The following MICU1 variants were observed in gnomAD, a reference collection of about 807,000 sequenced individuals.
The protein encoded by MICU1 is mitochondrial calcium uptake 1.
Under a neutral mutation model 56.8 loss-of-function variants are expected in MICU1, and 45 were observed. The observed-to-expected ratio is 0.79, with a 90% CI of 0.62 to 1.02. The LOEUF (loss-of-function observed/expected upper bound fraction) is 1.02. MICU1 is among the 50% of genes least tolerant of loss of function. The pLI, the probability that MICU1 is intolerant of heterozygous loss-of-function variation, is 0.00. For missense variants in MICU1, 504 were observed against 587.1 expected, an observed-to-expected ratio of 0.86 and a Z score of 1.46; for synonymous variants, 186 against 195.1, an observed-to-expected ratio of 0.95 and a Z score of 0.39.
chr10:72,403,629 TTGTGTGTGTGTGTGTGTGTGTG>T (rs60373032), intron 10 of MICU1, among the ~76,000 whole-genome samples: 3 of 139,932 alleles, frequency 2.1e-5, no homozygotes, highest in Admixed American at 7.2e-5. Flanking sequence ...CATACCAAAA[TTGTGTGTGTGTGTGTGTGTGTG>T]TGTGTGTGTG....
At chr10:72,532,859 AG>A (rs1691815988) in intron 5 of MICU1, 1 of 1,122,974 alleles carries the variant, frequency 8.9e-7, no homozygotes, top group African/African-American at 1.6e-5. Flanking sequence ...CTTGTATAAA[AG>A]AGCTCAACAC....
chr10:72,559,060 C>T (rs888356042), intron 3 of MICU1, among the ~76,000 whole-genome samples: 3 of 152,158 alleles, frequency 2.0e-5, no homozygotes, highest in South Asian at 2.1e-4. Context: ...TGGTGGCACA[C>T]ACCTGTAGTC....
chr10:72,617,427 T>A (rs1390544993), intron 1 of MICU1, among the ~76,000 whole-genome samples: 1 of 152,162 alleles, frequency 6.6e-6, no homozygotes, highest in Admixed American at 6.6e-5. Context: ...CTATGCTAAG[T>A]ACCTGATATC....
At chr10:72,492,279 C>A (rs972386651) in intron 6 of MICU1, among the ~76,000 whole-genome samples, 11 of 152,004 alleles carry the variant, frequency 7.2e-5, no homozygotes, top group African/African-American at 2.7e-4. Flanking sequence ...TGCAAGTAGA[C>A]TAGAAAAGCA....
At chr10:72,560,424 C>T (rs529645763) in intron 3 of MICU1, 29 of 152,272 alleles carry the variant, frequency 1.9e-4, no homozygotes, top group Non-Finnish European at 4.0e-4. Context: ...ATTTTATGCA[C>T]ATTTCTTTAT....
At chr10:72,397,930 G>A (rs554888402) in intron 10 of MICU1, among the ~76,000 whole-genome samples, 1 of 152,234 alleles carries the variant, frequency 6.6e-6, no homozygotes, top group East Asian at 1.9e-4. Context: ...GCACCAAGTG[G>A]ACCTAATAGA....
At chr10:72,521,804 G>GC (rs1867830454) in intron 5 of MICU1, among the ~76,000 whole-genome samples, 1 of 151,968 alleles carries the variant, frequency 6.6e-6, no homozygotes, top group South Asian at 2.1e-4. Context: ...TTACCTTGGG[G>GC]CTTAGCTTGT....
intron 1 of MICU1, among the ~76,000 whole-genome samples, chr10:72,578,351 G>A (rs1470562774): frequency 6.6e-6 from 1 of 151,992 alleles, no homozygotes; most frequent in African/African-American, 2.4e-5. Flanking sequence ...TCTGCCTCTG[G>A]GGTTCAAGTG....
intron 8 of MICU1, among the ~76,000 whole-genome samples, chr10:72,441,755 T>A (rs1864942202): frequency 6.6e-6 from 1 of 151,496 alleles, no homozygotes; most frequent in Non-Finnish European, 1.5e-5. Context: ...TAGCTGGGAC[T>A]ACAGGCATGC....
intron 6 of MICU1, among the ~76,000 whole-genome samples, chr10:72,503,175 T>C (rs1867134067): frequency 6.6e-6 from 1 of 152,074 alleles, no homozygotes; most frequent in Admixed American, 6.5e-5. Flanking sequence ...TTGAGGAAAA[T>C]ATGTCACTGG....
intron 8 of MICU1, among the ~76,000 whole-genome samples, chr10:72,433,249 G>A (rs543325488): frequency 6.0e-5 from 9 of 150,712 alleles, no homozygotes; most frequent in African/African-American, 2.2e-4. Flanking sequence ...CTTTTTCTTC[G>A]CAATTTTTTT....
intron 1 of MICU1, among the ~76,000 whole-genome samples, chr10:72,613,340 C>CATAG (rs1480132830): frequency 1.3e-5 from 2 of 148,330 alleles, no homozygotes; most frequent in Non-Finnish European, 3.0e-5. Context: ...GTGGCATGAG[C>CATAG]ATAGCACTCT....
At chr10:72,427,793 T>G (rs1288891955) in intron 8 of MICU1, among the ~76,000 whole-genome samples, 1 of 149,726 alleles carries the variant, frequency 6.7e-6, no homozygotes, top group African/African-American at 2.5e-5. Flanking sequence ...CTTGATAGGC[T>G]TCTGAACTGT....
Position 72,566,826 on chromosome 10 carries a change from G to C in MICU1, c.-1-32C>G, listed in dbSNP as rs760607980. The C allele has an allele frequency of 3.8e-6, 6 of 1,563,674 alleles. No homozygotes were observed. The Admixed American group carries it at 1.1e-4, about 30-fold the overall frequency. On this transcript the variant is annotated intron_variant, in intron 1 of 11. Coordinates refer to ENST00000361114, the MANE Select transcript of MICU1 (RefSeq NM_001195518.2). ...ACAATAAGTAGAAATGTCACTCTTA[G>C]CTAGTGGTAGTTATGATGATGATGA...
rs76458752 is a variant in MICU1 at position 72,459,507 on chromosome 10, C to T, written c.933+15593G>A. On this transcript the variant is annotated intron_variant, in intron 8 of 11. Coordinates refer to ENST00000361114, the MANE Select transcript of MICU1 (RefSeq NM_001195518.2). ...CCTGTTTTTTTACCCTTGTGCTTCA[C>T]GTCCTTAGCTGGATATGAGGGTGAT... Among the ~76,000 whole-genome samples, 7 of 152,280 alleles carry T rather than the reference C, an allele frequency of 4.6e-5. No homozygotes were observed. The East Asian group carries it at 5.8e-4, about 13-fold the overall frequency.
intron 1 of MICU1, among the ~76,000 whole-genome samples, chr10:72,599,560 C>T (rs1206080125): frequency 1.3e-5 from 2 of 152,048 alleles, no homozygotes; most frequent in African/African-American, 4.8e-5. Flanking sequence ...CATCACAGTG[C>T]TTATGTTATT....
At chr10:72,373,755 A>G (rs1340243037) in intron 11 of MICU1, among the ~76,000 whole-genome samples, 1 of 152,212 alleles carries the variant, frequency 6.6e-6, no homozygotes, top group Non-Finnish European at 1.5e-5. Flanking sequence ...TGGCTTCAAA[A>G]ATTATAAAAA....
chr10:72,589,945 G>A (rs1036794055), intron 1 of MICU1, among the ~76,000 whole-genome samples: 2 of 151,872 alleles, frequency 1.3e-5, no homozygotes, highest in Non-Finnish European at 2.9e-5. Flanking sequence ...GTTTCAGGCT[G>A]CAATACACTA....
intron 1 of MICU1, among the ~76,000 whole-genome samples, chr10:72,611,042 C>A (rs1167697222): frequency 6.6e-6 from 1 of 152,128 alleles, no homozygotes; most frequent in Non-Finnish European, 1.5e-5. Flanking sequence ...CGGTGGCTCA[C>A]GCCTGTAATC....
Sources: gnomAD v4.1 joint callset for allele counts (sites outside exome capture counted in the v4.1 genomes callset) on GRCh38, gnomAD v4.1.1 for gene constraint, MANE v1.5 for transcripts, NCBI Gene and HGNC (gene_info 2026-07-23, HGNC 2026-07-21) for gene names.